Variants in GLB1L3 observed in about 807,000 individuals in gnomAD.
GLB1L3 encodes the protein beta-galactosidase-1-like protein 3.
In GLB1L3, 89 loss-of-function variants were observed where a neutral mutation model predicts 89.5. The ratio of observed to expected loss-of-function variants is 0.99; its 90% confidence interval spans 0.84 to 1.19. The LOEUF (loss-of-function observed/expected upper bound fraction) is 1.19. Ranked by LOEUF, GLB1L3 falls within the 50% of genes most tolerant of loss-of-function variation. The probability of loss-of-function intolerance (pLI) is 0.00; values close to 1 mark genes in which losing one functional copy is unlikely to be tolerated. For missense variants in GLB1L3, 812 were observed against 813.3 expected, an observed-to-expected ratio of 1.00 and a Z score of 0.02; for synonymous variants, 314 against 312.3, an observed-to-expected ratio of 1.01 and a Z score of -0.06.
chr11:134,301,001 G>A (rs138763205), intron 9 of GLB1L3, among the ~76,000 whole-genome samples: 2,806 of 152,342 alleles, frequency 0.018, 43 homozygotes, highest in Non-Finnish European at 0.031. Context: ...TAGACTTGGG[G>A]AGTTAAAGCC....
chr11:134,320,671 T>C (rs150585975), downstream of GLB1L3, among the ~76,000 whole-genome samples: 45 of 151,970 alleles, frequency 3.0e-4, 1 homozygote, highest in African/African-American at 1.1e-3. Context: ...ATGCTTTCAG[T>C]GCACTTAGAG....
the GLB1L3 span, among the ~76,000 whole-genome samples, chr11:134,324,948 A>G: frequency 6.6e-6 from 1 of 152,062 alleles, no homozygotes; most frequent in East Asian, 1.9e-4. Context: ...CATATTTTAT[A>G]CTACATTTTA....
At chr11:134,317,663 T>C (rs1263802121) in intron 18 of GLB1L3, among the ~76,000 whole-genome samples, 3 of 152,230 alleles carry the variant, frequency 2.0e-5, no homozygotes, top group Admixed American at 6.5e-5. Flanking sequence ...TGTTCTATTA[T>C]GTCAATTAGT....
chr11:134,292,581 G>A (rs935447092), intron 8 of GLB1L3: 4 of 219,056 alleles, frequency 1.8e-5, no homozygotes, highest in Non-Finnish European at 2.7e-5. Context: ...AGAACCAGAA[G>A]ATGGGTGTTG....
chr11:134,276,868 CGCCGCGCCGG>C (rs1940393113), intron 1 of GLB1L3, 105 bp downstream of exon 1: 6 of 1,054,608 alleles, frequency 5.7e-6, no homozygotes, highest in African/African-American at 1.7e-5. Context: ...CCCAGGCACG[CGCCGCGCCGG>C]GCCGCGCCAC....
intron 5 of GLB1L3, among the ~76,000 whole-genome samples, chr11:134,283,495 C>T (rs1940811810): frequency 6.6e-6 from 1 of 152,218 alleles, no homozygotes; most frequent in Admixed American, 6.5e-5. Context: ...GAGCTGAAGG[C>T]CTTTCCGAAG....
chr11:134,325,265 A>G, the GLB1L3 span, among the ~76,000 whole-genome samples: 2 of 152,180 alleles, frequency 1.3e-5, no homozygotes, highest in East Asian at 1.9e-4. Flanking sequence ...GTCCTGCAGC[A>G]TCCGTGGGGG....
At chr11:134,308,622 C>CCATCAA (rs1565414768) in intron 10 of GLB1L3, among the ~76,000 whole-genome samples, 4 of 146,602 alleles carry the variant, frequency 2.7e-5, no homozygotes, top group Non-Finnish European at 1.5e-5. Flanking sequence ...ACCACTATCA[C>CCATCAA]CACCATCACC....
chr11:134,286,763 C>G (rs920078165), intron 6 of GLB1L3, among the ~76,000 whole-genome samples: 1 of 150,218 alleles, frequency 6.7e-6, no homozygotes, highest in Non-Finnish European at 1.5e-5. Context: ...GGCGACAGAG[C>G]GAGACTCCGT....
At position 134,309,743 on chromosome 11, in the gene GLB1L3, CG is replaced by C; in HGVS notation, c.1082del (p.Gly361AlafsTer23). On this transcript the variant is annotated frameshift_variant, in exon 11 of 20. Transcript: ENST00000431683. LOFTEE classifies it high-confidence loss of function. Reference sequence around the variant, plus strand: ...GGGGCCACATATTTCGGGAAGCACTCGGGCATTGTCACCAGCTATGGCAAGT... The same window carrying C: ...GGGGCCACATATTTCGGGAAGCACTCGGCATTGTCACCAGCTATGGCAAGT... The part of the protein sequence containing the change: ...MNGATYFGKH[S>X]GIVTSYDYDA... The C allele has an allele frequency of 1.2e-6, 2 of 1,613,286 alleles. No individual in the cohort carries two copies. Among genetic ancestry groups the C allele is most frequent in the Non-Finnish European group, 1.7e-6 (2 of 1,179,588 alleles).
chr11:134,287,100 G>C (rs1279761549), intron 6 of GLB1L3: 1 of 152,208 alleles, frequency 6.6e-6, no homozygotes, highest in Non-Finnish European at 1.5e-5. Flanking sequence ...GGCGGAGCTT[G>C]CAGGGAGCCA....
At chr11:134,294,608 A>G in intron 9 of GLB1L3, among the ~76,000 whole-genome samples, 1 of 152,218 alleles carries the variant, frequency 6.6e-6, no homozygotes, top group Non-Finnish European at 1.5e-5. Flanking sequence ...ACCAGAATCC[A>G]AAATGTTCAT....
At position 134,277,472 on chromosome 11, in the gene GLB1L3, C is replaced by A. The variant is rs575307611; in HGVS notation, c.149+21C>A. 7.4e-5 allele frequency: 119 copies of A among 1,607,194 alleles called. No individual in the cohort carries two copies. In the South Asian group the frequency reaches 1.3e-3, roughly 17 times the overall value. ...CCTAGGTTTGCTTGAGAGCTACATC[C>A]CTGGGGAGGGAGGGGAGCGATCTCT... On this transcript the variant is annotated intron_variant, in intron 2 of 19. Coordinates refer to ENST00000431683, the MANE Select transcript of GLB1L3 (RefSeq NM_001080407.3).
At chr11:134,288,533 A>T (rs966296049) in intron 6 of GLB1L3, among the ~76,000 whole-genome samples, 2 of 152,186 alleles carry the variant, frequency 1.3e-5, no homozygotes, top group African/African-American at 2.4e-5. Context: ...TGTAGGTTTG[A>T]GGGCTCAAAT....
intron 10 of GLB1L3, 124 bp downstream of exon 10, chr11:134,307,332 A>G (rs1942251191): frequency 7.2e-6 from 5 of 695,184 alleles, no homozygotes; most frequent in Admixed American, 2.7e-5. Context: ...AACTTTTCAC[A>G]TACAAGCACT....
chr11:134,295,341 A>G (rs1941574996), intron 9 of GLB1L3, among the ~76,000 whole-genome samples: 1 of 152,202 alleles, frequency 6.6e-6, no homozygotes, highest in Non-Finnish European at 1.5e-5. Flanking sequence ...AGTAATTTAC[A>G]TCTTTCAAGG....
intron 11 of GLB1L3, chr11:134,310,315 G>A (rs1368089764): frequency 1.9e-5 from 10 of 524,028 alleles, no homozygotes; most frequent in Non-Finnish European, 3.1e-5. Flanking sequence ...TGAGCTGTGG[G>A]TTGAACAAGT....
intron 6 of GLB1L3, chr11:134,287,368 C>G (rs566463826): frequency 6.6e-6 from 1 of 152,322 alleles, no homozygotes; most frequent in South Asian, 2.1e-4. Context: ...ATACCTTGCA[C>G]TAATTTAATT....
At chr11:134,288,702 C>T in intron 6 of GLB1L3, 96 bp from the exon 7 acceptor site, 3 of 790,814 alleles carry the variant, frequency 3.8e-6, no homozygotes, top group Admixed American at 2.6e-5. Context: ...CAGAGCCTGC[C>T]GCACCAGCTG....
Sources: allele counts gnomAD v4.1 joint callset (sites outside exome capture counted in the v4.1 genomes callset), GRCh38; gene constraint gnomAD v4.1.1; transcripts MANE v1.5; gene names NCBI Gene and HGNC (gene_info 2026-07-23, HGNC 2026-07-21).